Variants in TAB2 observed in about 807,000 individuals in gnomAD.
TAB2 encodes the protein TGF-beta-activated kinase 1 and MAP3K7-binding protein 2.
A neutral mutation model predicts 65.0 loss-of-function variants in TAB2; 3 were observed. The ratio of observed to expected loss-of-function variants is 0.05; its 90% confidence interval spans 0.02 to 0.12. The LOEUF (loss-of-function observed/expected upper bound fraction) is 0.12, where lower values mean the gene tolerates loss of function less well. Ranked by LOEUF, TAB2 falls within the 10% of genes least tolerant of loss-of-function variation. The pLI is 1.00. For synonymous variants in TAB2, 298 were observed against 285.1 expected (o/e 1.05, Z -0.46); for missense variants, 623 against 840.3 (o/e 0.74, Z 3.20).
intron 1 of TAB2, among the ~76,000 whole-genome samples, chr6:149,353,087 A>G (rs1780543574): frequency 6.6e-6 from 1 of 152,126 alleles, no homozygotes; most frequent in Admixed American, 6.5e-5. Context: ...TTGACTTCCC[A>G]TCACAGTTAC....
At chr6:149,360,840 A>G (rs879916857) in intron 1 of TAB2, among the ~76,000 whole-genome samples, 1 of 152,204 alleles carries the variant, frequency 6.6e-6, no homozygotes, top group Non-Finnish European at 1.5e-5. Flanking sequence ...TGGGGTAAAC[A>G]TTCCCATTCC....
chr6:149,283,058 T>C (rs1778603384), intron 1 of TAB2, among the ~76,000 whole-genome samples: 1 of 152,230 alleles, frequency 6.6e-6, no homozygotes, highest in Non-Finnish European at 1.5e-5. Flanking sequence ...GAAAGAGTGA[T>C]TTAATATTTA....
At chr6:149,317,411 A>AGCC (rs1270127985), upstream of TAB2, 5 of 77,878 alleles carry the variant, frequency 6.4e-5, no homozygotes, top group African/African-American at 2.5e-4. The surrounding 1 kb of genome is among the most constrained non-coding windows in gnomAD (Gnocchi z 4.7). Context: ...CCCGGGCCGC[A>AGCC]GCCGCAGCCG....
At chr6:149,224,145 A>T (rs921604106) in intron 1 of TAB2, among the ~76,000 whole-genome samples, 1 of 152,226 alleles carries the variant, frequency 6.6e-6, no homozygotes, top group Non-Finnish European at 1.5e-5. Flanking sequence ...TGCAGTAACT[A>T]CAGCTGACCT....
Position 149,334,040 on chromosome 6 carries a change from C to A in TAB2, c.-90+16025C>A, listed in dbSNP as rs944934310. Among the ~76,000 whole-genome samples, 4 of 152,096 alleles carry A rather than the reference C, an allele frequency of 2.6e-5. No individual in the cohort carries two copies. In the East Asian group the frequency reaches 7.7e-4, roughly 29 times the overall value. On this transcript the variant is annotated intron_variant, in intron 1 of 6. Transcript: ENST00000637181. ...ATAAGTCATTTGACCTAGTGCCTAG[C>A]ACTTAGTAAATGTAAGCTATTAATA...
At chr6:149,237,480 C>A (rs1450149285) in intron 1 of TAB2, among the ~76,000 whole-genome samples, 1 of 152,130 alleles carries the variant, frequency 6.6e-6, no homozygotes, top group Non-Finnish European at 1.5e-5. Flanking sequence ...TACTATGCAC[C>A]CCCATGATGA....
At chr6:149,395,117 G>A (rs565144118) in intron 3 of TAB2, among the ~76,000 whole-genome samples, 2 of 152,210 alleles carry the variant, frequency 1.3e-5, no homozygotes, top group Non-Finnish European at 2.9e-5. Context: ...CGTGAGCTCC[G>A]CAAGGGCAAG....
At chr6:149,393,597 C>G (rs960942856) in intron 3 of TAB2, among the ~76,000 whole-genome samples, 1 of 152,144 alleles carries the variant, frequency 6.6e-6, no homozygotes, top group African/African-American at 2.4e-5. Flanking sequence ...GTGTATCTCT[C>G]AAACTCTATG....
intron 1 of TAB2, among the ~76,000 whole-genome samples, chr6:149,367,419 ACTT>A (rs1268741909): frequency 2.6e-5 from 4 of 152,136 alleles, no homozygotes; most frequent in African/African-American, 9.7e-5. Flanking sequence ...AACAAGAGTG[ACTT>A]CTTTGAGAAA....
chr6:149,228,171 A>G (rs956484464), intron 1 of TAB2, among the ~76,000 whole-genome samples: 2 of 152,220 alleles, frequency 1.3e-5, no homozygotes, highest in Admixed American at 6.5e-5. Context: ...TAATAATTTA[A>G]AATTTAAAAA....
At chr6:149,329,812 T>C (rs1325923843) in intron 1 of TAB2, among the ~76,000 whole-genome samples, 1 of 152,172 alleles carries the variant, frequency 6.6e-6, no homozygotes, top group Non-Finnish European at 1.5e-5. Context: ...AGATAAAATC[T>C]AATTTGTATT....
At chr6:149,254,018 GA>G (rs1554254276) in intron 1 of TAB2, among the ~76,000 whole-genome samples, 1 of 137,268 alleles carries the variant, frequency 7.3e-6, no homozygotes, top group African/African-American at 2.7e-5. Flanking sequence ...AAGAAAGAAA[GA>G]AAGAAAAGAA....
chr6:149,300,466 A>C (rs1438575409), intron 1 of TAB2, among the ~76,000 whole-genome samples: 7 of 152,212 alleles, frequency 4.6e-5, no homozygotes, highest in African/African-American at 1.7e-4. Context: ...AAAAGTCTTT[A>C]AAATCCCTTC....
intron 1 of TAB2, among the ~76,000 whole-genome samples, chr6:149,276,334 C>G (rs1438424781): frequency 6.6e-6 from 1 of 152,088 alleles, no homozygotes; most frequent in Non-Finnish European, 1.5e-5. Flanking sequence ...GTTTATACCT[C>G]TATATATTGG....
chr6:149,263,662 G>T (rs1021687659), intron 1 of TAB2, among the ~76,000 whole-genome samples: 6 of 152,210 alleles, frequency 3.9e-5, no homozygotes, highest in African/African-American at 1.4e-4. Context: ...CCCCCAAATG[G>T]TGAAAAATAG....
intron 1 of TAB2, among the ~76,000 whole-genome samples, chr6:149,333,093 C>T (rs1009004295): frequency 2.0e-5 from 3 of 152,194 alleles, no homozygotes; most frequent in African/African-American, 4.8e-5. Context: ...AATACCTTGG[C>T]GCTTGAGCGC....
At chr6:149,306,836 G>A (rs1158193308) in intron 1 of TAB2, among the ~76,000 whole-genome samples, 1 of 152,066 alleles carries the variant, frequency 6.6e-6, no homozygotes, top group African/African-American at 2.4e-5. Flanking sequence ...GATGGGGAGA[G>A]GGAAACTGCA....
chr6:149,278,517 G>T (rs1240920914), intron 1 of TAB2, among the ~76,000 whole-genome samples: 2 of 152,224 alleles, frequency 1.3e-5, no homozygotes, highest in African/African-American at 4.8e-5. Flanking sequence ...ATCTCATCCA[G>T]TTGAGAGGGA....
chr6:149,386,257 T>C (rs1257922547), intron 3 of TAB2, among the ~76,000 whole-genome samples: 1 of 152,250 alleles, frequency 6.6e-6, no homozygotes, highest in East Asian at 1.9e-4. Context: ...TATTATTCTT[T>C]AAAATTTTTT....
Sources: allele counts gnomAD v4.1 joint callset (sites outside exome capture counted in the v4.1 genomes callset), GRCh38; gene constraint gnomAD v4.1.1; non-coding constraint Gnocchi (gnomAD v3.1); transcripts MANE v1.5; gene names NCBI Gene and HGNC (gene_info 2026-07-23, HGNC 2026-07-21).